KNG1: variants seen among roughly 807,000 people sequenced by gnomAD.
KNG1 encodes kininogen 1, also known as kininogen-1.
A neutral mutation model predicts 47.8 loss-of-function variants in KNG1; 23 were observed. That is an observed-to-expected ratio of 0.48 (90% confidence interval 0.35 to 0.68). KNG1 has a LOEUF of 0.68. Ranked by LOEUF, KNG1 falls within the 30% of genes least tolerant of loss-of-function variation. KNG1 has a pLI of 0.01. For synonymous variants in KNG1, 277 were observed against 277.0 expected, an observed-to-expected ratio of 1.00 and a Z score of 0.00; for missense variants, 762 against 790.2, an observed-to-expected ratio of 0.96 and a Z score of 0.43.
At chr3:186,736,257 T>C (rs1720667791) in intron 7 of KNG1, 1 of 152,232 alleles carries the variant, frequency 6.6e-6, no homozygotes, top group Non-Finnish European at 1.5e-5. Flanking sequence ...ATTTGGTTGC[T>C]TGGACATAGT....
intron 4 of KNG1, among the ~76,000 whole-genome samples, chr3:186,726,227 C>G (rs1343055282): frequency 6.6e-6 from 1 of 151,482 alleles, no homozygotes; most frequent in East Asian, 1.9e-4. Flanking sequence ...AGCCACTGCA[C>G]TCAGCTACAA....
chr3:186,726,290 T>G (rs1720370981), intron 4 of KNG1, among the ~76,000 whole-genome samples: 2 of 98,116 alleles, frequency 2.0e-5, no homozygotes, highest in East Asian at 7.4e-4. Flanking sequence ...TTTTTTTTTT[T>G]TTTTGTTTTT....
chr3:186,719,957 A>T (rs1055767231), intron 1 of KNG1, 148 bp from the exon 2 acceptor site: 2 of 695,756 alleles, frequency 2.9e-6, no homozygotes, highest in African/African-American at 3.5e-5. Flanking sequence ...TTTCACATAA[A>T]TGTTTATGAT....
At chr3:186,719,979 T>C in intron 1 of KNG1, 126 bp from the exon 2 acceptor site, 1 of 713,550 alleles carries the variant, frequency 1.4e-6, no homozygotes, top group South Asian at 1.5e-5. Flanking sequence ...GAAATATAAA[T>C]ATATTTTAAG....
intron 4 of KNG1, among the ~76,000 whole-genome samples, chr3:186,726,919 A>G (rs907249628): frequency 3.3e-5 from 5 of 152,104 alleles, no homozygotes; most frequent in Admixed American, 3.3e-4. Flanking sequence ...CTGGCAGAGG[A>G]AATATTGTTA....
chr3:186,726,274 CTTTTTTTTTT>C (rs774226752), intron 4 of KNG1, among the ~76,000 whole-genome samples: 3 of 113,734 alleles, frequency 2.6e-5, no homozygotes, highest in African/African-American at 6.3e-5. Flanking sequence ...GACTTTTCTT[CTTTTTTTTTT>C]TTTTTTTTTT....
intron 1 of KNG1, among the ~76,000 whole-genome samples, chr3:186,719,317 G>A (rs1171520919): frequency 1.3e-5 from 2 of 152,094 alleles, no homozygotes; most frequent in African/African-American, 4.8e-5. Context: ...CCAAATAAAA[G>A]TACTAAAATC....
chr3:186,738,592 A>C (rs1314183638), intron 7 of KNG1: 1 of 156,536 alleles, frequency 6.4e-6, no homozygotes, highest in Non-Finnish European at 1.4e-5. Context: ...CATGCCTGTA[A>C]TCCCAGCACT....
chr3:186,724,827 G>A (rs899367893), intron 3 of KNG1, among the ~76,000 whole-genome samples: 3 of 151,720 alleles, frequency 2.0e-5, no homozygotes, highest in East Asian at 1.9e-4. Flanking sequence ...TCAGCCCCCC[G>A]AGTAGCTGGG....
chr3:186,744,063 T>G lies in KNG1; in HGVS notation c.*1732T>G. 6.3e-6 allele frequency: 3 copies of G among 472,878 alleles called. No individual in the cohort carries two copies. Among genetic ancestry groups the G allele is most frequent in the African/African-American group, 2.0e-5 (1 of 51,112 alleles). The allele number at this position is 472,878 out of a possible 1,614,324, so 29.3% of individuals were successfully genotyped here. A position where few individuals can be genotyped will look rare whatever the true frequency, so the allele number is the denominator to read the frequency against. On this transcript the variant is annotated 3_prime_UTR_variant, in exon 10 of 10. Coordinates refer to ENST00000644859, the MANE Select transcript of KNG1 (RefSeq NM_001102416.3). ...AGGCTCATAACCCAACACTGGAACA[T>G]TCCCTAGCCAAGGCAGAAGTCCTTA...
intron 7 of KNG1, among the ~76,000 whole-genome samples, chr3:186,735,343 C>T (rs9812764): frequency 3.9e-4 from 60 of 152,058 alleles, no homozygotes; most frequent in African/African-American, 1.4e-3. Flanking sequence ...AAAGGCCAGG[C>T]GTGGTGGCTC....
rs1434634032 is a variant in KNG1, at chr3:186,742,088, G to A, written c.1692G>A (p.Gln564=). 6.2e-7 allele frequency: 1 copy of A among 1,613,736 alleles called. No homozygotes were observed. The highest frequency in any genetic ancestry group is 8.5e-7 in the Non-Finnish European group (1 of 1,179,866). The change falls in exon 10 of 10, where the codon CAG becomes CAA. Residue 564 remains glutamine, a synonymous_variant. Transcript: ENST00000644859. Reference sequence around the variant, plus strand: ...TAACAGTTACCTTTTCTGACTTTCAGGACTCTGATCTCATTGCAACTATGA... The same window carrying A: ...TAACAGTTACCTTTTCTGACTTTCAAGACTCTGATCTCATTGCAACTATGA... ...PGVTVTFSDF[Q]DSDLIATMMP...
intron 9 of KNG1, 77 bp downstream of exon 9, chr3:186,739,491 C>A (rs1720752761): frequency 1.0e-6 from 1 of 966,114 alleles, no homozygotes; most frequent in Non-Finnish European, 1.7e-6. Context: ...TGAAAATGAA[C>A]CATTACTGAA....
Position 186,717,714 on chromosome 3 carries a change from C to A in KNG1, c.172C>A (p.Arg58Ser). Residue 58 changes from arginine (R) to serine (S), a missense_variant, in exon 1 of 10, where the codon CGC becomes AGC. Physicochemically the swap from Arg to Ser is moderately radical, Grantham distance 110. Transcript: ENST00000644859. ...AAGTAACAACCAGTTTGTATTGTAC[C>A]GCATAACTGAAGCCACTAAGACGGT... ...NQSNNQFVLYRITEATKTVGS... is the reference protein window; with the variant it reads ...NQSNNQFVLYSITEATKTVGS... 2 of 1,612,652 alleles carry A rather than the reference C, an allele frequency of 1.2e-6. No homozygotes were observed. Among genetic ancestry groups the A allele is most frequent in the Non-Finnish European group, 1.7e-6 (2 of 1,179,508 alleles).
Position 186,725,197 on chromosome 3 carries a change from T to C in KNG1, c.501T>C (p.Phe167=), listed in dbSNP as rs1169310562. Residue 167 remains phenylalanine (F), a synonymous_variant, in exon 4 of 10, where the codon TTT becomes TTC. Coordinates refer to ENST00000644859, the MANE Select transcript of KNG1 (RefSeq NM_001102416.3). The part of the protein sequence containing the change: ...EPILRHGIQY[F]NNNTQHSSLF... ...TTCTGAGACACGGCATTCAGTACTT[T>C]AACAACAACACTCAACATTCCTCCC... 1.2e-5 allele frequency: 19 copies of C among 1,614,026 alleles called. No individual in the cohort carries two copies. The highest frequency in any genetic ancestry group is 1.4e-5 in the Non-Finnish European group (17 of 1,180,012).
At chr3:186,725,542 G>GGTTTTTTTTTTTTTTTTT (rs1560063426) in intron 4 of KNG1, among the ~76,000 whole-genome samples, 2 of 75,022 alleles carry the variant, frequency 2.7e-5, no homozygotes, top group Admixed American at 1.5e-4. Flanking sequence ...CCGGCCTTAG[G>GGTTTTTTTTTTTTTTTTT]ATTTTTTTTT....
intron 5 of KNG1, among the ~76,000 whole-genome samples, chr3:186,729,296 T>C (rs1191943105): frequency 6.6e-6 from 1 of 152,206 alleles, no homozygotes; most frequent in African/African-American, 2.4e-5. Flanking sequence ...ATAGAATTAC[T>C]ATGTGACCCA....
intron 9 of KNG1, 61 bp from the exon 10 acceptor site, chr3:186,741,461 T>C: frequency 2.0e-6 from 3 of 1,505,602 alleles, no homozygotes; most frequent in African/African-American, 1.4e-5. Context: ...TCAGTGTTTT[T>C]TTCTATCATC....
At position 186,743,153 on chromosome 3, in the gene KNG1, C is replaced by A; in HGVS notation, c.*822C>A. On this transcript the variant is annotated 3_prime_UTR_variant, in exon 10 of 10. Coordinates refer to ENST00000644859, the MANE Select transcript of KNG1 (RefSeq NM_001102416.3). ...AGTATTCTGTTTATTTTTGCTGAGC[C>A]TAGATTGAGTAATTCTTAGTTTACA... 1 of 165,916 alleles carries A rather than the reference C, an allele frequency of 6.0e-6. No homozygotes were observed. Among genetic ancestry groups the A allele is most frequent in the Non-Finnish European group, 1.3e-5 (1 of 78,272 alleles). The allele number at this position is 165,916 out of a possible 1,614,324, so 10.3% of individuals were successfully genotyped here.
Sources: allele counts gnomAD v4.1 joint callset (sites outside exome capture counted in the v4.1 genomes callset), GRCh38; gene constraint gnomAD v4.1.1; transcripts MANE v1.5; gene names NCBI Gene and HGNC (gene_info 2026-07-23, HGNC 2026-07-21).